Variants in ZNF521 observed in about 807,000 individuals in gnomAD.
ZNF521 encodes zinc finger protein 521.
In ZNF521, 14 loss-of-function variants were observed where a neutral mutation model predicts 105.5. The ratio of observed to expected loss-of-function variants is 0.13; its 90% CI spans 0.09 to 0.21. The LOEUF is 0.21. ZNF521 is among the 10% of genes least tolerant of loss of function. The pLI is 1.00. For missense variants in ZNF521, 1,233 were observed against 1,629.7 expected, an observed-to-expected ratio of 0.76 and a Z score of 4.19; for synonymous variants, 635 against 606.0, an observed-to-expected ratio of 1.05 and a Z score of -0.70.
At chr18:25,216,195 G>A (rs1343389764) in intron 4 of ZNF521, among the ~76,000 whole-genome samples, 3 of 151,832 alleles carry the variant, frequency 2.0e-5, no homozygotes, top group African/African-American at 7.3e-5. Context: ...ACAGAACTCC[G>A]GGACTTGAGT....
chr18:25,350,995 T>C, intron 1 of ZNF521, 48 bp from the exon 2 acceptor site: 1 of 1,466,078 alleles, frequency 6.8e-7, no homozygotes, highest in Non-Finnish European at 9.1e-7. Context: ...TGAAAGAAAC[T>C]ATACTTCCTC....
At chr18:25,081,885 A>T (rs1023000316) in intron 7 of ZNF521, among the ~76,000 whole-genome samples, 1 of 152,238 alleles carries the variant, frequency 6.6e-6, no homozygotes, top group African/African-American at 2.4e-5. Context: ...AACTGAGGTT[A>T]GCTTAGCCAT....
chr18:25,116,086 T>G (rs2034295670), intron 5 of ZNF521, among the ~76,000 whole-genome samples: 1 of 152,194 alleles, frequency 6.6e-6, no homozygotes, highest in Admixed American at 6.5e-5. Context: ...AATGGGTGAC[T>G]GAAGCGATCT....
intron 3 of ZNF521, among the ~76,000 whole-genome samples, chr18:25,296,207 T>G (rs1348802867): frequency 6.6e-6 from 1 of 152,166 alleles, no homozygotes; most frequent in African/African-American, 2.4e-5. Flanking sequence ...TCTATGTAGC[T>G]CTATCATCCC....
chr18:25,160,485 T>C (rs1178616818), intron 5 of ZNF521, among the ~76,000 whole-genome samples: 1 of 152,206 alleles, frequency 6.6e-6, no homozygotes, highest in African/African-American at 2.4e-5. Flanking sequence ...GATTCTTTCA[T>C]ACATGGACAC....
At chr18:25,170,120 C>CT (rs543969497) in intron 5 of ZNF521, among the ~76,000 whole-genome samples, 131 of 141,872 alleles carry the variant, frequency 9.2e-4, no homozygotes, top group Middle Eastern at 3.6e-3. Flanking sequence ...TTCTTTCTTT[C>CT]TTTTTTTTTT....
At chr18:25,289,835 C>G (rs112237945) in intron 3 of ZNF521, among the ~76,000 whole-genome samples, 2 of 152,114 alleles carry the variant, frequency 1.3e-5, no homozygotes, top group Admixed American at 6.5e-5. Context: ...AATCAACTTC[C>G]GCACACAATA....
Position 25,246,846 on chromosome 18 carries a change from G to A in ZNF521, c.221-19149C>T, listed in dbSNP as rs1042026621. 1.2e-4 allele frequency among the ~76,000 whole-genome samples: 18 copies of A among 152,206 alleles called. 1 individual carries two copies. In the East Asian group the frequency reaches 3.5e-3, roughly 29 times the overall value. The stretch of plus-strand genomic sequence containing the variant: ...TGACCATAGTCTTTACTTGGGCTGT[G>A]GTCACATGACCTTGTATTTGCCAAC... On this transcript the variant is annotated intron_variant, in intron 3 of 7. Transcript: ENST00000361524.
chr18:25,216,806 T>G (rs1600166441), intron 4 of ZNF521, among the ~76,000 whole-genome samples: 1 of 152,286 alleles, frequency 6.6e-6, no homozygotes, highest in East Asian at 1.9e-4. Flanking sequence ...TCCTCCCACC[T>G]CAGCCTCCCA....
chr18:25,198,722 G>A (rs1366628587), intron 4 of ZNF521, among the ~76,000 whole-genome samples: 1 of 151,906 alleles, frequency 6.6e-6, no homozygotes, highest in African/African-American at 2.4e-5. Context: ...TAAGGAGGAA[G>A]TGTAGGTCGT....
chr18:25,109,182 G>C (rs1335094304), intron 5 of ZNF521, among the ~76,000 whole-genome samples: 1 of 151,778 alleles, frequency 6.6e-6, no homozygotes, highest in Non-Finnish European at 1.5e-5. Context: ...CCATTGTTTA[G>C]TTCCCACTTA....
At chr18:25,217,118 T>A (rs541509205) in intron 4 of ZNF521, among the ~76,000 whole-genome samples, 1 of 151,990 alleles carries the variant, frequency 6.6e-6, no homozygotes, top group Non-Finnish European at 1.5e-5. Context: ...TGGTGAGGCG[T>A]TGGGGTTCAT....
Position 25,351,456 on chromosome 18 carries a change from GCCC to G in ZNF521, c.-1-512_-1-510del, listed in dbSNP as rs67914033. 1.8e-3 allele frequency: 254 copies of G among 138,322 alleles called. 2 individuals are homozygous for G. Among genetic ancestry groups the G allele is most frequent in the African/African-American group, 5.4e-3 (199 of 36,938 alleles). 8.6% of individuals were successfully genotyped at this position (138,322 alleles called of 1,614,324 possible). A position where few individuals can be genotyped will look rare whatever the true frequency, so the allele number is the denominator to read the frequency against. On this transcript the variant is annotated intron_variant, in intron 1 of 7. Transcript: ENST00000361524. ...ACCGCTTTTCCTTTTCAACAAATCC[GCCC>G]CCCCCCCCACCGGAAAAAAACAAAT...
intron 5 of ZNF521, among the ~76,000 whole-genome samples, chr18:25,129,397 C>T (rs2034598903): frequency 6.6e-6 from 1 of 151,364 alleles, no homozygotes; most frequent in African/African-American, 2.4e-5. Flanking sequence ...TAGAAGACAA[C>T]AGGAAAATCT....
chr18:25,132,956 AC>A (rs2144401604), intron 5 of ZNF521, among the ~76,000 whole-genome samples: 1 of 152,308 alleles, frequency 6.6e-6, no homozygotes, highest in South Asian at 2.1e-4. Flanking sequence ...AACCTATTCA[AC>A]AGCAGGACAT....
chr18:25,146,355 C>T (rs1356318276), intron 5 of ZNF521, among the ~76,000 whole-genome samples: 1 of 152,074 alleles, frequency 6.6e-6, no homozygotes, highest in East Asian at 1.9e-4. Flanking sequence ...AAAAGACTTG[C>T]TTAATTCTCA....
Position 25,129,265 on chromosome 18 carries a change from A to AATAATAATT in ZNF521, c.3659-37185_3659-37184insAATTATTAT, listed in dbSNP as rs1289258621. Among the ~76,000 whole-genome samples the AATAATAATT allele has an allele frequency of 1.6e-3, 49 of 30,796 alleles. No individual in the cohort carries two copies. The South Asian group carries it at 0.031, about 19-fold the overall frequency. 20.2% of individuals were successfully genotyped at this position (30,796 alleles called of 152,430 possible). On this transcript the variant is annotated intron_variant, in intron 5 of 7. Transcript: ENST00000361524. The stretch of plus-strand genomic sequence containing the variant: ...CACACGGAATAATAATAATAATAAT[A>AATAATAATT]ATTATTATTATTATTATTAATTAAT...
chr18:25,246,474 C>A (rs1907731287), intron 3 of ZNF521, among the ~76,000 whole-genome samples: 1 of 151,984 alleles, frequency 6.6e-6, no homozygotes, highest in Non-Finnish European at 1.5e-5. Flanking sequence ...TCCTATTTTC[C>A]TTTTTCCCCC....
At chr18:25,114,348 G>C (rs192138210) in intron 5 of ZNF521, among the ~76,000 whole-genome samples, 2 of 152,288 alleles carry the variant, frequency 1.3e-5, no homozygotes, top group East Asian at 1.9e-4. Context: ...CCATATTTTT[G>C]ATAGGAGTGG....
Sources: gnomAD v4.1 joint callset for allele counts (sites outside exome capture counted in the v4.1 genomes callset) on GRCh38, gnomAD v4.1.1 for gene constraint, MANE v1.5 for transcripts, NCBI Gene and HGNC (gene_info 2026-07-23, HGNC 2026-07-21) for gene names.